Variants in INPP1 observed in about 807,000 individuals in gnomAD.
The protein encoded by INPP1 is inositol polyphosphate-1-phosphatase.
INPP1 carries 18 observed loss-of-function variants against 23.0 expected under a neutral mutation model. The ratio of observed to expected loss-of-function variants is 0.78; its 90% CI spans 0.54 to 1.16. The LOEUF is 1.16. INPP1 is among the 50% of genes most tolerant of loss of function. The pLI is 0.00. For synonymous variants in INPP1, 164 were observed against 176.3 expected, an observed-to-expected ratio of 0.93 and a Z score of 0.55; for missense variants, 448 against 482.1, an observed-to-expected ratio of 0.93 and a Z score of 0.66.
At position 190,352,929 on chromosome 2, in the gene INPP1, A is replaced by G. The variant is rs1689349252; in HGVS notation, c.-65+3898A>G. ...CAATAGCTTCAAATTGCCATTCCTC[A>G]GAAGATGAGAGCCAGAATTCAGGAT... is the stretch of plus-strand genomic sequence containing the variant. On this transcript the variant is annotated intron_variant, in intron 2 of 6. Transcript: ENST00000392329. This position sits in a 1 kb window ranked among gnomAD's most constrained non-coding sequence, Gnocchi z 4.7. 6.6e-6 allele frequency among the ~76,000 whole-genome samples: 1 copy of G among 152,186 alleles called. No homozygotes were observed. The highest frequency in any genetic ancestry group is 1.5e-5 in the Non-Finnish European group (1 of 68,026).
In INPP1 at chr2:190,371,430, T is replaced by C; in HGVS notation, c.*28T>C. 6.8e-7 allele frequency: 1 copy of C among 1,474,572 alleles called. No homozygotes were observed. Among genetic ancestry groups the C allele is most frequent in the Non-Finnish European group, 9.0e-7 (1 of 1,105,440 alleles). 91.3% of individuals were successfully genotyped at this position (1,474,572 alleles called of 1,614,324 possible). ...GAACTCTAACCCCGGTGTACCTGTATAAACTGAACTGTGAAACTGTTTCGG... is the reference window on the plus strand; with the variant it reads ...GAACTCTAACCCCGGTGTACCTGTACAAACTGAACTGTGAAACTGTTTCGG... On this transcript the variant is annotated 3_prime_UTR_variant, in exon 7 of 7. Coordinates refer to ENST00000392329, the MANE Select transcript of INPP1 (RefSeq NM_001128928.2). This position sits in a 1 kb window ranked among gnomAD's most constrained non-coding sequence, Gnocchi z 5.3.
At chr2:190,353,361 G>A (rs144428843) in intron 2 of INPP1, among the ~76,000 whole-genome samples, 6 of 152,240 alleles carry the variant, frequency 3.9e-5, no homozygotes, top group Admixed American at 2.0e-4. Flanking sequence ...AGATCTGGCC[G>A]ACAAAAAGGA....
chr2:190,350,947 G>A (rs1187664582), intron 2 of INPP1, among the ~76,000 whole-genome samples: 1 of 152,210 alleles, frequency 6.6e-6, no homozygotes, highest in Non-Finnish European at 1.5e-5. Context: ...GTTTGTTCTT[G>A]TAAATGAATA....
rs538782404 is a variant in INPP1 at position 190,367,314 on chromosome 2, C to A, written c.466+419C>A. On this transcript the variant is annotated intron_variant, in intron 5 of 6. Coordinates refer to ENST00000392329, the MANE Select transcript of INPP1 (RefSeq NM_001128928.2). The surrounding 1 kb of genome is among the most constrained non-coding windows in gnomAD (Gnocchi z 4.1). ...GATTGTTACCATATGGGAGTACAGG[C>A]CAGCTCTTCAGATTTTTAAAGAGAA... 6.6e-6 allele frequency among the ~76,000 whole-genome samples: 1 copy of A among 152,232 alleles called. No individual in the cohort carries two copies. Among genetic ancestry groups the A allele is most frequent in the Admixed American group, 6.5e-5 (1 of 15,294 alleles).
At position 190,367,562 on chromosome 2, in the gene INPP1, T is replaced by G. The variant is rs192503432; in HGVS notation, c.466+667T>G. Among the ~76,000 whole-genome samples, 3 of 152,184 alleles carry G rather than the reference T, an allele frequency of 2.0e-5. No individual in the cohort carries two copies. The highest frequency in any genetic ancestry group is 7.2e-5 in the African/African-American group (3 of 41,422). ...CATTGTTTTGAAAATGTAACCCTTTTTTTTGAGACAGAGTCTCGTGTTGCA... is the reference window on the plus strand; with the variant it reads ...CATTGTTTTGAAAATGTAACCCTTTGTTTTGAGACAGAGTCTCGTGTTGCA... On this transcript the variant is annotated intron_variant, in intron 5 of 6. Coordinates refer to ENST00000392329, the MANE Select transcript of INPP1 (RefSeq NM_001128928.2). The surrounding 1 kb of genome is among the most constrained non-coding windows in gnomAD (Gnocchi z 4.1).
chr2:190,353,837 A>T (rs1414077120), intron 2 of INPP1, among the ~76,000 whole-genome samples: 1 of 152,192 alleles, frequency 6.6e-6, no homozygotes, highest in Non-Finnish European at 1.5e-5. Context: ...TAAACCTCTG[A>T]TGTTCTGATA....
Position 190,371,158 on chromosome 2 carries a change from C to T in INPP1, c.956C>T (p.Ala319Val), listed in dbSNP as rs951601306. The T allele has an allele frequency of 6.2e-7, 1 of 1,614,168 alleles. No homozygotes were observed. The highest frequency in any genetic ancestry group is 1.1e-5 in the South Asian group (1 of 91,084). The change falls in exon 7 of 7, where the codon GCT becomes GTT. Residue 319 changes from alanine to valine, a missense_variant. By Grantham distance (64) the Ala-to-Val change is moderately conservative. Transcript: ENST00000392329. The surrounding 1 kb of genome is among the most constrained non-coding windows in gnomAD (Gnocchi z 5.3). ...ACCACATTCAAATGGGACTCTTGTGCTGCTCATGCCATACTGAGGGCCATG... is the reference window on the plus strand; with the variant it reads ...ACCACATTCAAATGGGACTCTTGTGTTGCTCATGCCATACTGAGGGCCATG... Reference protein sequence around the residue: ...EDTTFKWDSCAAHAILRAMGG... With the variant: ...EDTTFKWDSCVAHAILRAMGG...
In INPP1 at chr2:190,370,881, G is replaced by A. The variant is rs1179811959; in HGVS notation, c.679G>A (p.Gly227Arg). The A allele has an allele frequency of 1.9e-6, 3 of 1,613,302 alleles. No homozygotes were observed. The highest frequency in any genetic ancestry group is 1.6e-4 in the Middle Eastern group (1 of 6,082). ...GTGCTATTGGGGCCTTTCTTACATGGGGACCAACATGCATTCACTACAGCT... is the reference window on the plus strand; with the variant it reads ...GTGCTATTGGGGCCTTTCTTACATGAGGACCAACATGCATTCACTACAGCT... ...GQCYWGLSYMGTNMHSLQLTI... is the reference protein window; with the variant it reads ...GQCYWGLSYMRTNMHSLQLTI... The change falls in exon 7 of 7, where the codon GGG becomes AGG. Residue 227 changes from glycine to arginine, a missense_variant. Transcript: ENST00000392329.
intron 2 of INPP1, among the ~76,000 whole-genome samples, chr2:190,357,148 G>A (rs1689434446): frequency 6.6e-6 from 1 of 152,116 alleles, no homozygotes; most frequent in African/African-American, 2.4e-5. Flanking sequence ...AGGTGCTTTT[G>A]TTTGAGTTTT....
In INPP1 at chr2:190,360,297, G is replaced by A. The variant is rs764410591; in HGVS notation, c.195G>A (p.Met65Ile). ...TACAGGAAGTTATAAAACAGAATAT[G>A]GAGAACAAGGTAAGAAAGGTCATAG... ...VLVQEVIKQN[M>I]ENKFPGLEKN... Residue 65 changes from methionine (M) to isoleucine (I), a missense_variant, in exon 3 of 7, where the codon ATG (methionine) becomes ATA (isoleucine). By Grantham distance (10) the Met-to-Ile change is conservative (BLOSUM62 1). Transcript: ENST00000392329. The A allele has an allele frequency of 2.5e-6, 4 of 1,613,962 alleles. No homozygotes were observed. In the South Asian group the frequency reaches 4.4e-5, roughly 18 times the overall value.
intron 4 of INPP1, among the ~76,000 whole-genome samples, chr2:190,365,334 T>A (rs1268523335): frequency 6.6e-6 from 1 of 152,248 alleles, no homozygotes; most frequent in Admixed American, 6.5e-5. Context: ...GATTGGTATA[T>A]ACCATTTTAT....
chr2:190,357,859 A>T (rs1689447676), intron 2 of INPP1, among the ~76,000 whole-genome samples: 1 of 152,182 alleles, frequency 6.6e-6, no homozygotes, highest in African/African-American at 2.4e-5. Flanking sequence ...ACAATAGTCA[A>T]AGAGGATGTC....
intron 4 of INPP1, among the ~76,000 whole-genome samples, chr2:190,366,434 ACTCTGTCTCACTCT>A (rs1689674664): frequency 3.1e-5 from 3 of 96,162 alleles, no homozygotes; most frequent in African/African-American, 4.4e-5. Flanking sequence ...ACTCTGTCTC[ACTCTGTCTCACTCT>A]CTCTGTCTTG....
At chr2:190,343,999 TC>T in intron 1 of INPP1, 38 bp downstream of exon 1, 1 of 326,434 alleles carries the variant, frequency 3.1e-6, no homozygotes, top group Non-Finnish European at 6.4e-6. Context: ...CACCACAGGG[TC>T]CCCGCGCCGC....
At chr2:190,366,010 T>TGTCTCGCTCTCTCTCGCTCG (rs1689647605) in intron 4 of INPP1, among the ~76,000 whole-genome samples, 1 of 27,066 alleles carries the variant, frequency 3.7e-5, no homozygotes, top group Non-Finnish European at 6.7e-5. Context: ...TCTCTCGCTC[T>TGTCTCGCTCTCTCTCGCTCG]GTCTCGCTCT....
chr2:190,357,867 G>A (rs1285088990), intron 2 of INPP1, among the ~76,000 whole-genome samples: 5 of 152,168 alleles, frequency 3.3e-5, no homozygotes, highest in Non-Finnish European at 7.3e-5. Context: ...CAAAGAGGAT[G>A]TCTCGTTGCT....
intron 6 of INPP1, 151 bp downstream of exon 6, chr2:190,369,428 A>T (rs1476544590): frequency 8.4e-6 from 4 of 473,532 alleles, no homozygotes; most frequent in Non-Finnish European, 1.1e-5. Context: ...TTAAAGTTCT[A>T]TTTTCAATCT....
At chr2:190,348,358 GT>G (rs200031403) in intron 1 of INPP1, among the ~76,000 whole-genome samples, 95 of 150,162 alleles carry the variant, frequency 6.3e-4, no homozygotes, top group African/African-American at 1.9e-3. Context: ...GTAATTTTTT[GT>G]TTTTTTTTAA....
rs1689275955 is a variant in INPP1 at position 190,348,982 on chromosome 2, T to G, written c.-114T>G. ...TCTCCTGTATCCCAAGCAAGGCTCTTTCTACCGCACACCCTGCAGGCCCAT... is the reference window on the plus strand; with the variant it reads ...TCTCCTGTATCCCAAGCAAGGCTCTGTCTACCGCACACCCTGCAGGCCCAT... On this transcript the variant is annotated 5_prime_UTR_variant, in exon 2 of 7. Transcript: ENST00000392329. 1 of 152,296 alleles carries G rather than the reference T, an allele frequency of 6.6e-6. No homozygotes were observed. Among genetic ancestry groups the G allele is most frequent in the Non-Finnish European group, 1.5e-5 (1 of 68,090 alleles). 9.4% of individuals were successfully genotyped at this position (152,296 alleles called of 1,614,324 possible).
Sources: gnomAD v4.1 joint callset for allele counts (sites outside exome capture counted in the v4.1 genomes callset) on GRCh38, gnomAD v4.1.1 for gene constraint, Gnocchi (gnomAD v3.1) non-coding constraint, MANE v1.5 for transcripts, NCBI Gene and HGNC (gene_info 2026-07-23, HGNC 2026-07-21) for gene names.